The following CYP24A1 variants were observed in gnomAD, a reference collection of about 807,000 sequenced individuals.
CYP24A1 encodes the protein 1,25-dihydroxyvitamin D(3) 24-hydroxylase, mitochondrial.
Under a neutral mutation model 62.4 loss-of-function variants are expected in CYP24A1, and 68 were observed. The observed-to-expected ratio is 1.09, with a 90% CI of 0.90 to 1.33. The LOEUF (loss-of-function observed/expected upper bound fraction) is 1.33. Ranked by LOEUF, CYP24A1 falls within the 40% of genes most tolerant of loss-of-function variation. CYP24A1 has a pLI of 0.00. For missense variants in CYP24A1, 787 were observed against 653.0 expected (o/e 1.21, Z -2.24); for synonymous variants, 267 against 253.0 (o/e 1.06, Z -0.52).
rs774042537 is a variant in CYP24A1, at chr20:54,172,919, G to A, written c.439C>T (p.Leu147=). The part of the protein sequence containing the change: ...YRDYRKEGYG[L]LILEGEDWQR... ...TCGGATTGGACTCACAGGATCAGCA[G>A]CCCGTAGCCTTCTTTGCGGTAGTCG... Residue 147 remains leucine (L), a synonymous_variant, in exon 2 of 12, where the codon CTG becomes TTG. Transcript: ENST00000216862. The A allele has an allele frequency of 2.5e-5, 41 of 1,613,730 alleles. No homozygotes were observed. The highest frequency in any genetic ancestry group is 2.2e-4 in the East Asian group (10 of 44,866).
Position 54,173,727 on chromosome 20 carries a change from A to G in CYP24A1, c.-148T>C, listed in dbSNP as rs866472510. 111 of 627,586 alleles carry G rather than the reference A, an allele frequency of 1.8e-4. No homozygotes were observed. Among genetic ancestry groups the G allele is most frequent in the Middle Eastern group, 8.6e-4 (2 of 2,330 alleles). 38.9% of individuals were successfully genotyped at this position (627,586 alleles called of 1,614,324 possible). On this transcript the variant is annotated 5_prime_UTR_variant, in exon 1 of 12. Transcript: ENST00000216862. This position sits in a 1 kb window ranked among gnomAD's most constrained non-coding sequence, Gnocchi z 7.2. ...GTGTGATGGAGCGGGGTGAGGCGGG[A>G]CAGGCAGCAGAAAGGACCTCGGCGA...
At chr20:54,155,860 A>G (rs1370130687) in intron 11 of CYP24A1, among the ~76,000 whole-genome samples, 1 of 152,064 alleles carries the variant, frequency 6.6e-6, no homozygotes, top group Admixed American at 6.6e-5. Context: ...TCTTAATTTC[A>G]TTAAGGAAAT....
chr20:54,150,708 A>G (rs941099974), downstream of CYP24A1, among the ~76,000 whole-genome samples: 4 of 152,312 alleles, frequency 2.6e-5, no homozygotes, highest in South Asian at 8.3e-4. Flanking sequence ...TGACATGGGG[A>G]GTTTACTTAA....
chr20:54,164,267 A>G (rs899102597), intron 6 of CYP24A1, among the ~76,000 whole-genome samples, 185 bp downstream of exon 6: 1 of 152,136 alleles, frequency 6.6e-6, no homozygotes, highest in Non-Finnish European at 1.5e-5. Flanking sequence ...TTAATTCCCA[A>G]AGAAGACTAC....
Position 54,162,830 on chromosome 20 carries a change from A to G in CYP24A1, c.877T>C (p.Tyr293His). 6.4e-7 allele frequency: 1 copy of G among 1,567,608 alleles called. No homozygotes were observed. Among genetic ancestry groups the G allele is most frequent in the Non-Finnish European group, 8.8e-7 (1 of 1,137,698 alleles). Reference sequence around the variant, plus strand: ...AAATCTGCACTAGGCTGCTGAGAATACTTCTCTAACCGGTTGTCGATACAA... The same window carrying G: ...AAATCTGCACTAGGCTGCTGAGAATGCTTCTCTAACCGGTTGTCGATACAA... ...KACIDNRLEK[Y>H]SQQPSADFLC... Residue 293 changes from tyrosine (Y) to histidine (H), a missense_variant, in exon 7 of 12, where the codon TAT (tyrosine) becomes CAT (histidine). Tyr to His is a moderately conservative substitution (Grantham distance 83). Transcript: ENST00000216862.
chr20:54,156,667 T>C (rs1464956247), intron 11 of CYP24A1, among the ~76,000 whole-genome samples: 1 of 152,236 alleles, frequency 6.6e-6, no homozygotes, highest in African/African-American at 2.4e-5. Flanking sequence ...TAGATGTGTG[T>C]CGTGTAACTC....
At chr20:54,147,677 C>T in the CYP24A1 span, among the ~76,000 whole-genome samples, 3 of 152,188 alleles carry the variant, frequency 2.0e-5, no homozygotes, top group Admixed American at 6.5e-5. Context: ...TGCATTGTTT[C>T]CATTGATTCT....
chr20:54,155,197 T>G (rs1331504192), intron 11 of CYP24A1, among the ~76,000 whole-genome samples: 2 of 152,182 alleles, frequency 1.3e-5, no homozygotes, highest in African/African-American at 2.4e-5. Context: ...ACAAATTTCA[T>G]AATAGCATCA....
chr20:54,171,720 G>A, intron 2 of CYP24A1, 50 bp from the exon 3 acceptor site: 2 of 1,613,872 alleles, frequency 1.2e-6, no homozygotes, highest in Non-Finnish European at 1.7e-6. Context: ...AGAAAAGAAG[G>A]AGATGCAGAA....
At chr20:54,149,231 T>TA (rs1177074971), downstream of CYP24A1, among the ~76,000 whole-genome samples, 1 of 152,168 alleles carries the variant, frequency 6.6e-6, no homozygotes, top group Non-Finnish European at 1.5e-5. Flanking sequence ...TAAATCCTCC[T>TA]CTCCAAGGTC....
intron 5 of CYP24A1, among the ~76,000 whole-genome samples, chr20:54,165,096 C>T (rs2092666584): frequency 6.6e-6 from 1 of 152,218 alleles, no homozygotes; most frequent in Admixed American, 6.5e-5. Context: ...ATGTTACGTG[C>T]ATATATCCAG....
chr20:54,173,448 G>T lies in CYP24A1; in HGVS notation c.132C>A (p.Cys44Ter). The change falls in exon 1 of 12, where the codon TGC becomes TGA. Residue 44 changes from cysteine (C) to a stop codon, truncating the protein, a stop_gained. Coordinates refer to ENST00000216862, the MANE Select transcript of CYP24A1 (RefSeq NM_000782.5). LOFTEE classifies it high-confidence loss of function. The surrounding 1 kb of genome is among the most constrained non-coding windows in gnomAD (Gnocchi z 7.2). ...GAGTCTCGCCACCAGCTGTCAGCGG[G>T]CAGACTGGCACCTCTCGCGGCTGAG... The part of the protein sequence containing the change: ...TSPQPREVPV[C>*]PLTAGGETQN... 6.4e-7 allele frequency: 1 copy of T among 1,567,706 alleles called. No homozygotes were observed. Among genetic ancestry groups the T allele is most frequent in the Non-Finnish European group, 8.7e-7 (1 of 1,156,010 alleles).
In CYP24A1 at chr20:54,172,937, G is replaced by T. The variant is rs762052884; in HGVS notation, c.421C>A (p.Arg141Ser). Residue 141 changes from arginine (R) to serine (S), a missense_variant, in exon 2 of 12, where the codon CGC becomes AGC. Coordinates refer to ENST00000216862, the MANE Select transcript of CYP24A1 (RefSeq NM_000782.5). ...IKPWKAYRDY[R>S]KEGYGLLILE... Reference sequence around the variant, plus strand: ...ATCAGCAGCCCGTAGCCTTCTTTGCGGTAGTCGCGATAGGCCTTCCACGGT... The same window carrying T: ...ATCAGCAGCCCGTAGCCTTCTTTGCTGTAGTCGCGATAGGCCTTCCACGGT... 3 of 1,613,810 alleles carry T rather than the reference G, an allele frequency of 1.9e-6. No homozygotes were observed. The highest frequency in any genetic ancestry group is 3.3e-4 in the Middle Eastern group (2 of 6,062).
In CYP24A1 at chr20:54,173,943, G is replaced by A. The variant is rs1260609619; in HGVS notation, c.-364C>T. ...CCACGGGGAGGTGTCAAGGAGGGTA[G>A]ATGAGATGCTGCTGGCGCTGCGTTT... On this transcript the variant is annotated 5_prime_UTR_variant, in exon 1 of 12. Coordinates refer to ENST00000216862, the MANE Select transcript of CYP24A1 (RefSeq NM_000782.5). This position sits in a 1 kb window ranked among gnomAD's most constrained non-coding sequence, Gnocchi z 7.2. The A allele has an allele frequency of 6.1e-6, 2 of 330,314 alleles. No homozygotes were observed. The highest frequency in any genetic ancestry group is 1.1e-5 in the Non-Finnish European group (2 of 176,300). 20.5% of individuals were successfully genotyped at this position (330,314 alleles called of 1,614,324 possible).
At chr20:54,169,331 G>A (rs2092685707) in intron 4 of CYP24A1, among the ~76,000 whole-genome samples, 2 of 152,266 alleles carry the variant, frequency 1.3e-5, no homozygotes, top group South Asian at 2.1e-4. Flanking sequence ...GGGGTTATGC[G>A]TTTCATTCAT....
chr20:54,164,373 A>C, intron 6 of CYP24A1, 79 bp downstream of exon 6: 2 of 1,610,950 alleles, frequency 1.2e-6, no homozygotes, highest in Non-Finnish European at 1.7e-6. Context: ...TCAGGAGATC[A>C]CTCCAGACCT....
intron 6 of CYP24A1, among the ~76,000 whole-genome samples, chr20:54,163,624 A>G (rs2092660529): frequency 6.6e-6 from 1 of 152,226 alleles, no homozygotes; most frequent in African/African-American, 2.4e-5. Flanking sequence ...GACCTACCTT[A>G]TAGGTGTGTT....
the CYP24A1 span, among the ~76,000 whole-genome samples, chr20:54,145,161 C>T: frequency 6.6e-6 from 1 of 152,080 alleles, no homozygotes; most frequent in Non-Finnish European, 1.5e-5. Context: ...CATTTCTACA[C>T]TCTTAAAGTC....
chr20:54,173,463 T>C lies in CYP24A1; in HGVS notation c.117A>G (p.Arg39=). The C allele has an allele frequency of 6.4e-7, 1 of 1,566,430 alleles. No homozygotes were observed. The highest frequency in any genetic ancestry group is 8.7e-7 in the Non-Finnish European group (1 of 1,155,940). ...CTGTCAGCGGGCAGACTGGCACCTCTCGCGGCTGAGGGGACGTGTACGCCG... is the reference window on the plus strand; with the variant it reads ...CTGTCAGCGGGCAGACTGGCACCTCCCGCGGCTGAGGGGACGTGTACGCCG... The part of the protein sequence containing the change: ...TSTAYTSPQP[R]EVPVCPLTAG... Residue 39 remains arginine (R), a synonymous_variant, in exon 1 of 12, where the codon CGA becomes CGG. Transcript: ENST00000216862. This position sits in a 1 kb window ranked among gnomAD's most constrained non-coding sequence, Gnocchi z 7.2.
Sources: gnomAD v4.1 joint callset for allele counts (sites outside exome capture counted in the v4.1 genomes callset) on GRCh38, gnomAD v4.1.1 for gene constraint, Gnocchi (gnomAD v3.1) non-coding constraint, MANE v1.5 for transcripts, NCBI Gene and HGNC (gene_info 2026-07-23, HGNC 2026-07-21) for gene names.